Variants in PAX5 observed in about 807,000 individuals in gnomAD.
The protein encoded by PAX5 is paired box protein Pax-5.
In PAX5, 9 loss-of-function variants were observed where a neutral mutation model predicts 43.7. The observed-to-expected ratio is 0.21, with a 90% CI of 0.12 to 0.36. The LOEUF is 0.36. Among genes scored for constraint, PAX5 ranks in the 10% least tolerant of loss-of-function variants. The pLI, the probability that PAX5 is intolerant of heterozygous loss-of-function variation, is 1.00. For missense variants in PAX5, 383 were observed against 532.7 expected (o/e 0.72, Z 2.77); for synonymous variants, 228 against 214.3 (o/e 1.06, Z -0.56).
chr9:36,981,185 G>GGA (rs1554676937), intron 5 of PAX5, among the ~76,000 whole-genome samples: 2 of 106,468 alleles, frequency 1.9e-5, no homozygotes, highest in Admixed American at 1.0e-4. Context: ...AAACAGCAAA[G>GGA]CCCCCCCCCC....
intron 2 of PAX5, among the ~76,000 whole-genome samples, chr9:37,017,754 A>C (rs1168112405): frequency 6.6e-6 from 1 of 152,276 alleles, no homozygotes; most frequent in African/African-American, 2.4e-5. Context: ...CCACCTGAGC[A>C]GTGCCAACTG....
intron 7 of PAX5, among the ~76,000 whole-genome samples, chr9:36,883,168 C>A (rs1034085063): frequency 1.3e-5 from 2 of 152,166 alleles, no homozygotes; most frequent in African/African-American, 4.8e-5. Context: ...TGCCCCCCTG[C>A]CCCCTGGGAG....
At chr9:36,982,734 ACG>A (rs1836048768) in intron 5 of PAX5, among the ~76,000 whole-genome samples, 1 of 152,198 alleles carries the variant, frequency 6.6e-6, no homozygotes, top group Non-Finnish European at 1.5e-5. Flanking sequence ...GAGCGGGGTC[ACG>A]TAGCTTTCAC....
At chr9:36,862,364 G>A (rs1394146227) in intron 8 of PAX5, among the ~76,000 whole-genome samples, 1 of 152,138 alleles carries the variant, frequency 6.6e-6, no homozygotes, top group Non-Finnish European at 1.5e-5. Context: ...CCGCAGCAAT[G>A]AACTTCGCAG....
chr9:36,956,496 A>T (rs905214224), intron 6 of PAX5, among the ~76,000 whole-genome samples: 1 of 152,098 alleles, frequency 6.6e-6, no homozygotes, highest in Non-Finnish European at 1.5e-5. Context: ...AAATGCAAAA[A>T]CCATGACCCA....
intron 8 of PAX5, among the ~76,000 whole-genome samples, chr9:36,871,491 G>A (rs1825491550): frequency 6.6e-6 from 1 of 152,146 alleles, no homozygotes; most frequent in Non-Finnish European, 1.5e-5. Context: ...CCCTGCATCA[G>A]CCACCCAACG....
rs535162580 is a variant in PAX5, at chr9:37,013,406, G to A, written c.410+1591C>T. 4.6e-5 allele frequency among the ~76,000 whole-genome samples: 7 copies of A among 152,208 alleles called. No individual in the cohort carries two copies. The South Asian group carries it at 1.0e-3, about 23-fold the overall frequency. On this transcript the variant is annotated intron_variant, in intron 3 of 9. Coordinates refer to ENST00000358127, the MANE Select transcript of PAX5 (RefSeq NM_016734.3). The stretch of plus-strand genomic sequence containing the variant: ...CATGGACTACCTAAGGTTATCTTGC[G>A]AACCCCCAATTATATGTGTACTCTA...
At chr9:36,940,093 G>C (rs868581761) in intron 6 of PAX5, among the ~76,000 whole-genome samples, 1 of 152,328 alleles carries the variant, frequency 6.6e-6, no homozygotes, top group Non-Finnish European at 1.5e-5. Flanking sequence ...TGAGGAGTCT[G>C]AGGCTCCCCT....
intron 6 of PAX5, among the ~76,000 whole-genome samples, chr9:36,960,990 C>CCTCCTCCT (rs1157773431): frequency 6.6e-6 from 1 of 152,192 alleles, no homozygotes; most frequent in Admixed American, 6.5e-5. Flanking sequence ...TGTCTCCCCA[C>CCTCCTCCT]CTCCTCCTCT....
At chr9:37,029,607 G>A (rs559990438) in intron 1 of PAX5, among the ~76,000 whole-genome samples, 2 of 152,332 alleles carry the variant, frequency 1.3e-5, no homozygotes, top group South Asian at 2.1e-4. Context: ...GGCTTCACCC[G>A]ATGGCGCCCA....
At chr9:37,003,114 G>A (rs965923816) in intron 4 of PAX5, among the ~76,000 whole-genome samples, 4 of 148,158 alleles carry the variant, frequency 2.7e-5, no homozygotes, top group East Asian at 4.0e-4. Flanking sequence ...GGGATGGAGA[G>A]GAGAAAGAGG....
chr9:37,026,379 A>T (rs1459891741), intron 1 of PAX5, among the ~76,000 whole-genome samples: 1 of 152,210 alleles, frequency 6.6e-6, no homozygotes, highest in Non-Finnish European at 1.5e-5. Flanking sequence ...GCGTTGTTTC[A>T]GGTCCCCTGC....
chr9:36,977,509 G>GC (rs1835541551), intron 5 of PAX5, among the ~76,000 whole-genome samples: 1 of 150,732 alleles, frequency 6.6e-6, no homozygotes, highest in Non-Finnish European at 1.5e-5. Flanking sequence ...TTTTTTGTTT[G>GC]TTTTTTTTGG....
At chr9:36,979,658 C>G (rs957491711) in intron 5 of PAX5, among the ~76,000 whole-genome samples, 1 of 152,170 alleles carries the variant, frequency 6.6e-6, no homozygotes, top group Non-Finnish European at 1.5e-5. Context: ...CAGGGTCACA[C>G]AGCAGAGTTA....
At chr9:37,029,521 C>T (rs1840758583) in intron 1 of PAX5, among the ~76,000 whole-genome samples, 1 of 152,248 alleles carries the variant, frequency 6.6e-6, no homozygotes, top group South Asian at 2.1e-4. Flanking sequence ...CCGGATCTTC[C>T]CCTTTCACCC....
rs191542255 is a variant in PAX5, at chr9:36,868,838, G to A, written c.1012+13166C>T. Among the ~76,000 whole-genome samples the A allele has an allele frequency of 3.9e-4, 60 of 152,184 alleles. 1 individual carries two copies. The highest frequency in any genetic ancestry group is 3.1e-3 in the East Asian group (16 of 5,176). ...TCCCGAACCCAGTCAGCCTGCCTCCGAGATGGATATGCTCACTCCAACCTC... is the reference window on the plus strand; with the variant it reads ...TCCCGAACCCAGTCAGCCTGCCTCCAAGATGGATATGCTCACTCCAACCTC... On this transcript the variant is annotated intron_variant, in intron 8 of 9. Coordinates refer to ENST00000358127, the MANE Select transcript of PAX5 (RefSeq NM_016734.3).
chr9:36,998,283 A>C (rs1837559345), intron 5 of PAX5, among the ~76,000 whole-genome samples: 1 of 152,164 alleles, frequency 6.6e-6, no homozygotes, highest in Non-Finnish European at 1.5e-5. Flanking sequence ...CCTAGGAAGA[A>C]CTCTAGAATC....
chr9:36,981,747 G>A (rs1420273391), intron 5 of PAX5, among the ~76,000 whole-genome samples: 1 of 152,262 alleles, frequency 6.6e-6, no homozygotes. Context: ...GTGGAGCACA[G>A]AGAGCAAGCT....
At chr9:36,932,789 A>G (rs1831233354) in intron 6 of PAX5, among the ~76,000 whole-genome samples, 1 of 152,128 alleles carries the variant, frequency 6.6e-6, no homozygotes, top group Non-Finnish European at 1.5e-5. Context: ...TCAGTGCAAC[A>G]ATTGTCATGA....
Sources: gnomAD v4.1 joint callset for allele counts (sites outside exome capture counted in the v4.1 genomes callset) on GRCh38, gnomAD v4.1.1 for gene constraint, MANE v1.5 for transcripts, NCBI Gene and HGNC (gene_info 2026-07-23, HGNC 2026-07-21) for gene names.